Variants in BTNL8 observed in about 807,000 individuals in gnomAD.
The protein encoded by BTNL8 is butyrophilin-like protein 8.
BTNL8 carries 22 observed loss-of-function variants against 36.1 expected under a neutral mutation model. The ratio of observed to expected loss-of-function variants is 0.61; its 90% CI spans 0.44 to 0.87. BTNL8 has a LOEUF of 0.87. Ranked by LOEUF, BTNL8 falls within the 40% of genes least tolerant of loss-of-function variation. BTNL8 has a pLI of 0.00. For missense variants in BTNL8, 526 were observed against 616.9 expected, an observed-to-expected ratio of 0.85 and a Z score of 1.56; for synonymous variants, 203 against 235.6, an observed-to-expected ratio of 0.86 and a Z score of 1.27.
chr5:180,902,491 G>T, intron 1 of BTNL8: 1 of 1,293,570 alleles, frequency 7.7e-7, no homozygotes, highest in Non-Finnish European at 1.1e-6. Flanking sequence ...GCCCAATGGA[G>T]CCCTGAGTAG....
chr5:180,912,050 G>T (rs1446618734), intron 3 of BTNL8, among the ~76,000 whole-genome samples: 1 of 152,192 alleles, frequency 6.6e-6, no homozygotes, highest in Admixed American at 6.5e-5. Context: ...ATAGAACAAA[G>T]GGTCGACCCT....
intron 2 of BTNL8, among the ~76,000 whole-genome samples, chr5:180,909,134 A>G (rs1413354950): frequency 6.6e-6 from 1 of 152,200 alleles, no homozygotes; most frequent in Non-Finnish European, 1.5e-5. Flanking sequence ...CATCACATCA[A>G]GGTATAGAAC....
chr5:180,949,175 C>T lies in BTNL8; in HGVS notation c.836-64C>T, dbSNP rs1040368719. ...AAGGGTCCCAATCCTTGGTCTTTCC[C>T]TTCTCCCTGCGCCCTGTTTCCCACG... is the stretch of plus-strand genomic sequence containing the variant. On this transcript the variant is annotated intron_variant, in intron 6 of 7. Coordinates refer to ENST00000340184, the MANE Select transcript of BTNL8 (RefSeq NM_001040462.3). 180 of 1,434,788 alleles carry T rather than the reference C, an allele frequency of 1.3e-4. 43 individuals carry two copies. Among genetic ancestry groups the T allele is most frequent in the Non-Finnish European group, 1.7e-4 (173 of 1,045,426 alleles). 88.9% of individuals were successfully genotyped at this position (1,434,788 alleles called of 1,614,324 possible).
At chr5:180,927,779 G>C (rs367742421) in intron 3 of BTNL8, among the ~76,000 whole-genome samples, 18 of 152,190 alleles carry the variant, frequency 1.2e-4, no homozygotes, top group East Asian at 1.2e-3. Flanking sequence ...GACAAGATTA[G>C]AGAAAAAAAG....
At chr5:180,923,889 C>T (rs1582035310) in intron 3 of BTNL8, among the ~76,000 whole-genome samples, 1 of 152,070 alleles carries the variant, frequency 6.6e-6, no homozygotes, top group Non-Finnish European at 1.5e-5. Flanking sequence ...TATAATAACA[C>T]AAAATGTCAC....
chr5:180,931,451 T>C (rs1238627182), intron 3 of BTNL8, among the ~76,000 whole-genome samples: 3 of 152,026 alleles, frequency 2.0e-5, no homozygotes, highest in Non-Finnish European at 4.4e-5. Context: ...AAGCCAAAAT[T>C]GACAAGTGGG....
At chr5:180,949,849 G>A in intron 7 of BTNL8, 55 bp from the exon 8 acceptor site, 1 of 1,414,760 alleles carries the variant, frequency 7.1e-7, no homozygotes, top group Non-Finnish European at 9.7e-7. Context: ...TCTTGCTCCA[G>A]CCCAGATTTC....
intron 5 of BTNL8, 103 bp downstream of exon 5, chr5:180,948,478 G>C: frequency 6.2e-7 from 1 of 1,607,836 alleles, no homozygotes; most frequent in Non-Finnish European, 8.5e-7. Context: ...AGGCTGGACA[G>C]GAAGCACCGG....
At chr5:180,933,846 T>G (rs1472586013) in intron 3 of BTNL8, among the ~76,000 whole-genome samples, 3 of 152,178 alleles carry the variant, frequency 2.0e-5, no homozygotes, top group Admixed American at 6.5e-5. Flanking sequence ...ACATCACTGA[T>G]GAATTCTACC....
chr5:180,936,271 G>T (rs965984396), intron 3 of BTNL8, among the ~76,000 whole-genome samples: 1 of 151,744 alleles, frequency 6.6e-6, no homozygotes, highest in Non-Finnish European at 1.5e-5. Flanking sequence ...AGAAAGAAAA[G>T]GTATCCACAT....
chr5:180,931,517 C>G (rs1232504599), intron 3 of BTNL8, among the ~76,000 whole-genome samples: 1 of 152,056 alleles, frequency 6.6e-6, no homozygotes, highest in African/African-American at 2.4e-5. Flanking sequence ...TCAGAGTGAA[C>G]AGGCAACCTA....
chr5:180,919,007 G>T (rs929686934), intron 3 of BTNL8, among the ~76,000 whole-genome samples: 18 of 152,142 alleles, frequency 1.2e-4, no homozygotes, highest in Non-Finnish European at 2.5e-4. Flanking sequence ...GTCTCTTCGG[G>T]ATCAGACAAA....
intron 3 of BTNL8, among the ~76,000 whole-genome samples, 187 bp from the exon 4 acceptor site, chr5:180,947,324 TG>T (rs1281704234): frequency 2.0e-5 from 3 of 152,234 alleles, no homozygotes; most frequent in Non-Finnish European, 2.9e-5. Context: ...CGTTATCTGT[TG>T]AGAAGAAAAT....
At chr5:180,922,320 T>C (rs1012287089) in intron 3 of BTNL8, among the ~76,000 whole-genome samples, 2 of 152,088 alleles carry the variant, frequency 1.3e-5, no homozygotes, top group Non-Finnish European at 1.5e-5. Flanking sequence ...CTTTTTGATG[T>C]AGTTGTTTAG....
At chr5:180,911,754 G>A (rs113430906) in intron 3 of BTNL8, 140 bp downstream of exon 3, 99,343 of 893,140 alleles carry the variant, frequency 0.11, 8,609 homozygotes, top group African/African-American at 0.4. Context: ...AAATCAATGA[G>A]ATGTAAAAGT....
chr5:180,909,344 G>C (rs1757276153), intron 2 of BTNL8, among the ~76,000 whole-genome samples: 2 of 152,246 alleles, frequency 1.3e-5, no homozygotes, highest in South Asian at 4.1e-4. Flanking sequence ...CCAAATTATT[G>C]CTTGTATCGA....
intron 3 of BTNL8, among the ~76,000 whole-genome samples, chr5:180,939,160 G>T (rs1440672635): frequency 6.6e-6 from 1 of 152,136 alleles, no homozygotes; most frequent in Non-Finnish European, 1.5e-5. Flanking sequence ...TGAACAAAAA[G>T]TTAACAAAAT....
At chr5:180,903,004 T>G (rs1756902028) in intron 1 of BTNL8, among the ~76,000 whole-genome samples, 1 of 118,744 alleles carries the variant, frequency 8.4e-6, no homozygotes, top group Middle Eastern at 3.7e-3. Flanking sequence ...TGTGTCTTTA[T>G]AGCAGCATGA....
intron 3 of BTNL8, among the ~76,000 whole-genome samples, chr5:180,932,592 G>A (rs1001385269): frequency 4.0e-5 from 6 of 151,888 alleles, no homozygotes; most frequent in African/African-American, 9.7e-5. Context: ...CTCGTGATCC[G>A]CCCGCCTCGG....
Sources: gnomAD v4.1 joint callset for allele counts (sites outside exome capture counted in the v4.1 genomes callset) on GRCh38, gnomAD v4.1.1 for gene constraint, MANE v1.5 for transcripts, NCBI Gene and HGNC (gene_info 2026-07-23, HGNC 2026-07-21) for gene names.